DYNC1I1: variants seen among roughly 807,000 people sequenced by gnomAD.
DYNC1I1 encodes dynein cytoplasmic 1 intermediate chain 1.
DYNC1I1 carries 43 observed loss-of-function variants against 86.6 expected under a neutral mutation model. That is an observed-to-expected ratio of 0.50 (90% CI 0.39 to 0.64). DYNC1I1 has a LOEUF of 0.64. Among genes scored for constraint, DYNC1I1 ranks in the 30% least tolerant of loss-of-function variants. The pLI, the probability that DYNC1I1 is intolerant of heterozygous loss-of-function variation, is 0.00. For synonymous variants in DYNC1I1, 262 were observed against 283.7 expected (o/e 0.92, Z 0.77); for missense variants, 604 against 788.8 (o/e 0.77, Z 2.81).
At chr7:96,020,401 G>T (rs1360913460) in intron 10 of DYNC1I1, among the ~76,000 whole-genome samples, 4 of 152,178 alleles carry the variant, frequency 2.6e-5, no homozygotes, top group South Asian at 4.1e-4. Flanking sequence ...ATAAAAGCTC[G>T]TGCAGGGAAA....
chr7:95,907,829 T>C (rs1019020356), intron 6 of DYNC1I1, among the ~76,000 whole-genome samples: 1 of 152,000 alleles, frequency 6.6e-6, no homozygotes, highest in East Asian at 1.9e-4. Context: ...TCAATAAATA[T>C]TGTTTAACAG....
chr7:95,786,352 T>A (rs1347991860), intron 1 of DYNC1I1, among the ~76,000 whole-genome samples: 1 of 152,158 alleles, frequency 6.6e-6, no homozygotes, highest in Non-Finnish European at 1.5e-5. Flanking sequence ...CTCTCACTGC[T>A]CCTCCTTTAG....
chr7:95,875,610 G>A (rs1331644049), intron 6 of DYNC1I1, among the ~76,000 whole-genome samples: 1 of 152,220 alleles, frequency 6.6e-6, no homozygotes, highest in Non-Finnish European at 1.5e-5. Flanking sequence ...AGGGAAGAAA[G>A]ATGAGGTTTA....
At chr7:96,053,656 T>C (rs1180706943) in intron 14 of DYNC1I1, among the ~76,000 whole-genome samples, 1 of 152,084 alleles carries the variant, frequency 6.6e-6, no homozygotes, top group East Asian at 1.9e-4. Context: ...GGAAAGTATG[T>C]GTAGGCATAT....
At chr7:95,781,293 G>A (rs1167671219) in intron 1 of DYNC1I1, among the ~76,000 whole-genome samples, 1 of 152,200 alleles carries the variant, frequency 6.6e-6, no homozygotes, top group Non-Finnish European at 1.5e-5. Context: ...AAATGCTGCT[G>A]AAAAGTAATT....
At chr7:95,968,241 AG>A (rs1562958726) in intron 6 of DYNC1I1, among the ~76,000 whole-genome samples, 1 of 152,122 alleles carries the variant, frequency 6.6e-6, no homozygotes, top group Non-Finnish European at 1.5e-5. Context: ...GTGCAAAAGA[AG>A]GGTATACAAA....
chr7:95,956,179 G>A (rs2116494036), intron 6 of DYNC1I1, among the ~76,000 whole-genome samples: 1 of 152,098 alleles, frequency 6.6e-6, no homozygotes, highest in Admixed American at 6.5e-5. Flanking sequence ...ACATTTCAAT[G>A]CACTCAGCCC....
At chr7:96,055,989 G>A (rs535795019) in intron 14 of DYNC1I1, 1 of 152,114 alleles carries the variant, frequency 6.6e-6, no homozygotes, top group Admixed American at 6.5e-5. Context: ...TTCTCACTTA[G>A]GACCTTCCTT....
chr7:95,976,246 T>C (rs1793300460), intron 6 of DYNC1I1, among the ~76,000 whole-genome samples: 2 of 152,222 alleles, frequency 1.3e-5, no homozygotes, highest in Admixed American at 1.3e-4. Context: ...TGCATGCCTA[T>C]AGAGTATGAT....
At chr7:95,975,559 A>G (rs1793283211) in intron 6 of DYNC1I1, among the ~76,000 whole-genome samples, 1 of 152,150 alleles carries the variant, frequency 6.6e-6, no homozygotes, top group Non-Finnish European at 1.5e-5. Context: ...CTACTCCATT[A>G]TAACCTCATT....
chr7:95,888,199 G>T (rs995813501), intron 6 of DYNC1I1, among the ~76,000 whole-genome samples: 1 of 152,152 alleles, frequency 6.6e-6, no homozygotes, highest in Non-Finnish European at 1.5e-5. Context: ...CACTTTAGGA[G>T]GCCAAGGTGG....
intron 7 of DYNC1I1, among the ~76,000 whole-genome samples, chr7:95,981,939 AATTCTG>A (rs1793469514): frequency 3.3e-5 from 5 of 152,130 alleles, no homozygotes; most frequent in Admixed American, 2.6e-4. Context: ...GGAGTAAAAC[AATTCTG>A]ATTCTATTTG....
chr7:95,810,166 A>T (rs1478636260), intron 2 of DYNC1I1, among the ~76,000 whole-genome samples: 3 of 152,162 alleles, frequency 2.0e-5, no homozygotes, highest in Admixed American at 1.3e-4. Context: ...CTTTCATCCC[A>T]CGTGATAGAA....
intron 5 of DYNC1I1, among the ~76,000 whole-genome samples, chr7:95,837,437 C>T (rs1789132281): frequency 6.6e-6 from 1 of 152,148 alleles, no homozygotes; most frequent in East Asian, 1.9e-4. Flanking sequence ...CTGTGCCCTG[C>T]CCCCAGAGGT....
chr7:95,909,076 A>T (rs1207849797), intron 6 of DYNC1I1, among the ~76,000 whole-genome samples: 1 of 151,530 alleles, frequency 6.6e-6, no homozygotes, highest in African/African-American at 2.4e-5. Flanking sequence ...AAGACTGATG[A>T]AATACCAAAG....
chr7:96,004,645 T>TGC (rs1794096670), intron 10 of DYNC1I1, among the ~76,000 whole-genome samples: 1 of 124,794 alleles, frequency 8.0e-6, no homozygotes. Context: ...CATAAATGCA[T>TGC]GCACACACAC....
At chr7:95,972,505 C>T (rs150198471) in intron 6 of DYNC1I1, among the ~76,000 whole-genome samples, 107 of 151,742 alleles carry the variant, frequency 7.1e-4, no homozygotes, top group Non-Finnish European at 1.1e-3. Context: ...CCCTGGGCTT[C>T]GAGAGAGGAA....
chr7:95,976,570 C>T (rs564943805), intron 6 of DYNC1I1, among the ~76,000 whole-genome samples: 32 of 152,224 alleles, frequency 2.1e-4, no homozygotes, highest in African/African-American at 7.0e-4. Context: ...GTTGAATGAG[C>T]GAACATATGG....
chr7:95,825,979 G>T (rs991348741), intron 4 of DYNC1I1, among the ~76,000 whole-genome samples: 1 of 152,148 alleles, frequency 6.6e-6, no homozygotes, highest in Non-Finnish European at 1.5e-5. Context: ...AGCTCTCCAG[G>T]TCATTCTGAT....
Sources: gnomAD v4.1 joint callset for allele counts (sites outside exome capture counted in the v4.1 genomes callset) on GRCh38, gnomAD v4.1.1 for gene constraint, MANE v1.5 for transcripts, NCBI Gene and HGNC (gene_info 2026-07-23, HGNC 2026-07-21) for gene names.